ESRRG: variants seen among roughly 807,000 people sequenced by gnomAD.
ESRRG encodes the protein estrogen-related receptor gamma.
Under a neutral mutation model 44.0 loss-of-function variants are expected in ESRRG, and 13 were observed. The observed-to-expected ratio is 0.30, with a 90% CI of 0.19 to 0.47. ESRRG has a LOEUF of 0.47. ESRRG is among the 20% of genes least tolerant of loss of function. The probability of loss-of-function intolerance (pLI) is 1.00; values close to 1 mark genes in which losing one functional copy is unlikely to be tolerated. For missense variants in ESRRG, 395 were observed against 580.6 expected (o/e 0.68, Z 3.29); for synonymous variants, 215 against 214.6 (o/e 1.00, Z -0.02).
chr1:216,795,963 T>C (rs2094460837), intron 2 of ESRRG, among the ~76,000 whole-genome samples: 1 of 151,978 alleles, frequency 6.6e-6, no homozygotes, highest in African/African-American at 2.4e-5. Flanking sequence ...AGGACTCTTC[T>C]CCCCAAAATC....
intron 3 of ESRRG, among the ~76,000 whole-genome samples, chr1:216,573,016 T>C (rs2061087307): frequency 6.6e-6 from 1 of 151,982 alleles, no homozygotes; most frequent in Admixed American, 6.6e-5. Flanking sequence ...AATAAGATTA[T>C]TTTTATGTAA....
At chr1:217,061,105 T>G (rs1383424502) in intron 1 of ESRRG, among the ~76,000 whole-genome samples, 1 of 152,026 alleles carries the variant, frequency 6.6e-6, no homozygotes, top group Non-Finnish European at 1.5e-5. Flanking sequence ...CATTCCAAAT[T>G]ATCTATCCAG....
intron 1 of ESRRG, among the ~76,000 whole-genome samples, chr1:217,012,898 C>T (rs1357223159): frequency 6.6e-6 from 1 of 152,162 alleles, no homozygotes; most frequent in Non-Finnish European, 1.5e-5. Flanking sequence ...CTCTACAACT[C>T]AGAAGTTCAA....
intron 3 of ESRRG, among the ~76,000 whole-genome samples, chr1:216,585,128 G>GT (rs1423085705): frequency 6.6e-6 from 1 of 151,962 alleles, no homozygotes; most frequent in Non-Finnish European, 1.5e-5. Flanking sequence ...TAGTAGAAAG[G>GT]TTAAAAAAAA....
chr1:216,993,979 A>G (rs190024296), intron 1 of ESRRG, among the ~76,000 whole-genome samples: 1 of 152,300 alleles, frequency 6.6e-6, no homozygotes. Context: ...ACAGGAGCCA[A>G]TGTTTTAATT....
At chr1:216,702,777 A>AG (rs945772999) in intron 1 of ESRRG, among the ~76,000 whole-genome samples, 4 of 38,592 alleles carry the variant, frequency 1.0e-4, no homozygotes, top group African/African-American at 4.7e-4. Context: ...ACTCTGCCTC[A>AG]AAAAAAAAAA....
intron 1 of ESRRG, among the ~76,000 whole-genome samples, chr1:217,014,014 T>C (rs2079001426): frequency 6.6e-6 from 1 of 152,130 alleles, no homozygotes; most frequent in African/African-American, 2.4e-5. Context: ...CCAAAAGGAG[T>C]GAAGGGTGCC....
chr1:217,097,273 C>T (rs751858078), intron 1 of ESRRG, among the ~76,000 whole-genome samples: 1 of 151,806 alleles, frequency 6.6e-6, no homozygotes, highest in Non-Finnish European at 1.5e-5. Flanking sequence ...CCACTGCACT[C>T]CACCCCCTCT....
intron 2 of ESRRG, among the ~76,000 whole-genome samples, chr1:216,795,895 A>G (rs1052106747): frequency 3.3e-5 from 5 of 152,132 alleles, no homozygotes; most frequent in Non-Finnish European, 5.9e-5. Flanking sequence ...GTAATTGATC[A>G]AGAGGTATAC....
intron 3 of ESRRG, among the ~76,000 whole-genome samples, chr1:216,571,276 C>A (rs1341449008): frequency 6.6e-6 from 1 of 152,086 alleles, no homozygotes; most frequent in Non-Finnish European, 1.5e-5. Flanking sequence ...GAACCCATCT[C>A]TACTAAAAAT....
chr1:216,513,830 C>A (rs919372329), intron 6 of ESRRG, among the ~76,000 whole-genome samples: 42 of 152,124 alleles, frequency 2.8e-4, no homozygotes, highest in South Asian at 6.2e-4. Context: ...GTCATAAAGA[C>A]AATTATAGTA....
intron 1 of ESRRG, among the ~76,000 whole-genome samples, chr1:217,000,033 G>A (rs1253791141): frequency 6.6e-6 from 1 of 152,222 alleles, no homozygotes; most frequent in East Asian, 1.9e-4. Flanking sequence ...GGGCTAAACA[G>A]TGACTTCATT....
At chr1:216,821,839 G>T (rs184716097) in intron 2 of ESRRG, among the ~76,000 whole-genome samples, 1 of 151,550 alleles carries the variant, frequency 6.6e-6, no homozygotes, top group African/African-American at 2.4e-5. Context: ...GTGTCTTACA[G>T]TGCTATTTTC....
Position 216,795,638 on chromosome 1 carries a change from G to A in ESRRG, c.-13-118147C>T, listed in dbSNP as rs567900677. On this transcript the variant is annotated intron_variant, in intron 2 of 7. Transcript: ENST00000359162. ...TTACAGGTGCACGCCACTGCACCTGGCCTCTAAATTTTAATATATATATTT... is the reference window on the plus strand; with the variant it reads ...TTACAGGTGCACGCCACTGCACCTGACCTCTAAATTTTAATATATATATTT... 3.9e-5 allele frequency among the ~76,000 whole-genome samples: 6 copies of A among 151,984 alleles called. No individual in the cohort carries two copies. In the East Asian group the frequency reaches 9.7e-4, roughly 25 times the overall value.
chr1:216,795,592 C>T (rs1217877600), intron 2 of ESRRG, among the ~76,000 whole-genome samples: 6 of 151,980 alleles, frequency 3.9e-5, no homozygotes, highest in East Asian at 1.9e-4. Flanking sequence ...CCACCCGCCT[C>T]GGCCTCCCAA....
intron 2 of ESRRG, among the ~76,000 whole-genome samples, chr1:216,793,002 A>C (rs2094367655): frequency 6.6e-6 from 1 of 152,182 alleles, no homozygotes; most frequent in Admixed American, 6.6e-5. Flanking sequence ...CAATACAGTT[A>C]GAATTCAGAA....
intron 1 of ESRRG, among the ~76,000 whole-genome samples, chr1:217,028,619 T>G (rs565989984): frequency 6.6e-6 from 1 of 152,352 alleles, no homozygotes; most frequent in Admixed American, 6.5e-5. Flanking sequence ...CATCACTATT[T>G]CCTTCCAATT....
intron 5 of ESRRG, among the ~76,000 whole-genome samples, chr1:216,522,639 AT>A (rs900249286): frequency 2.6e-4 from 39 of 152,144 alleles, no homozygotes; most frequent in African/African-American, 9.2e-4. Flanking sequence ...TAGAAATTTT[AT>A]CTTAATTCCA....
chr1:216,615,738 T>C (rs554463710), intron 3 of ESRRG, among the ~76,000 whole-genome samples: 134 of 137,714 alleles, frequency 9.7e-4, no homozygotes, highest in African/African-American at 3.5e-3. Context: ...TTCTCTCTCT[T>C]TTTTTTTTTT....
Sources: gnomAD v4.1 joint callset for allele counts (sites outside exome capture counted in the v4.1 genomes callset) on GRCh38, gnomAD v4.1.1 for gene constraint, MANE v1.5 for transcripts, NCBI Gene and HGNC (gene_info 2026-07-23, HGNC 2026-07-21) for gene names.